Variants in RPL7 observed in about 807,000 individuals in gnomAD.
RPL7 encodes ribosomal protein L7.
For missense variants in RPL7, 205 were observed against 301.9 expected (o/e 0.68, Z 2.38); for synonymous variants, 100 against 102.2 (o/e 0.98, Z 0.13).
chr8:73,291,263 T>G lies in RPL7; in HGVS notation c.539-11A>C. 1 of 1,584,748 alleles carries G rather than the reference T, an allele frequency of 6.3e-7. No homozygotes were observed. The highest frequency in any genetic ancestry group is 8.6e-7 in the Non-Finnish European group (1 of 1,163,612). On this transcript the variant is annotated splice_polypyrimidine_tract_variant and intron_variant, in intron 5 of 6. Transcript: ENST00000352983. ...TGATGCCGTATTTACCTAAATATTT[T>G]AAGGTTATTTAAGATTATTAAAGTT...
intron 3 of RPL7, 30 bp from the exon 4 acceptor site, chr8:73,291,940 T>C: frequency 1.2e-6 from 2 of 1,601,238 alleles, no homozygotes; most frequent in Non-Finnish European, 8.6e-7. Flanking sequence ...GAAATGCATT[T>C]GCCTTTCATC....
At chr8:73,294,170 C>CCGCTCCGCGAGGTCCTTGTCGT, upstream of RPL7, 1 of 157,564 alleles carries the variant, frequency 6.3e-6, no homozygotes. Context: ...ACCCCTTTCG[C>CCGCTCCGCGAGGTCCTTGTCGT]CGCTCCGCGA....
chr8:73,292,580 G>A (rs991391991), intron 2 of RPL7, 109 bp downstream of exon 2: 9 of 1,018,700 alleles, frequency 8.8e-6, no homozygotes, highest in African/African-American at 6.4e-5. Flanking sequence ...AGGTAGCTAA[G>A]CAATTACTCA....
In RPL7 at chr8:73,290,634, C is replaced by T. The variant is rs1169933566; in HGVS notation, c.*73G>A. On this transcript the variant is annotated 3_prime_UTR_variant, in exon 7 of 7. Coordinates refer to ENST00000352983, the MANE Select transcript of RPL7 (RefSeq NM_000971.4). ...CAACAACAACAAATCACAAATACAA[C>T]AATATATTTCAATTTGAGAGCAGGT... The T allele has an allele frequency of 6.1e-6, 1 of 163,830 alleles. No individual in the cohort carries two copies. Among genetic ancestry groups the T allele is most frequent in the Non-Finnish European group, 1.3e-5 (1 of 75,514 alleles). 10.1% of individuals were successfully genotyped at this position (163,830 alleles called of 1,614,324 possible).
intron 1 of RPL7, 169 bp from the exon 2 acceptor site, chr8:73,292,966 G>A (rs1324250214): frequency 4.1e-6 from 2 of 490,118 alleles, no homozygotes; most frequent in African/African-American, 2.0e-5. Context: ...TTAGCTCCAT[G>A]TCAATAACCT....
chr8:73,292,102 TG>T, intron 3 of RPL7, 136 bp downstream of exon 3: 1 of 1,084,534 alleles, frequency 9.2e-7, no homozygotes, highest in Non-Finnish European at 1.3e-6. Flanking sequence ...AAACCATTAG[TG>T]ATCAGCACCC....
upstream of RPL7, chr8:73,294,276 A>T (rs1814194993): frequency 6.5e-6 from 1 of 152,844 alleles, no homozygotes; most frequent in African/African-American, 2.4e-5. Flanking sequence ...AAAAGTGGCT[A>T]GCCAGGGACC....
intron 2 of RPL7, 31 bp downstream of exon 2, chr8:73,292,658 T>C (rs1426097478): frequency 6.6e-7 from 1 of 1,518,816 alleles, no homozygotes; most frequent in Non-Finnish European, 9.1e-7. Context: ...GGCGCCTCCT[T>C]ATGTGCTAGT....
chr8:73,293,564 G>T (rs201337451), intron 1 of RPL7, 35 bp downstream of exon 1: 4 of 1,612,930 alleles, frequency 2.5e-6, no homozygotes, highest in Non-Finnish European at 3.4e-6. Context: ...TCTGGAGATG[G>T]AGAAGGATTC....
intron 1 of RPL7, chr8:73,293,333 A>G (rs1341099629): frequency 4.1e-6 from 2 of 491,846 alleles, no homozygotes; most frequent in Non-Finnish European, 7.4e-6. Context: ...AAGACCCTCT[A>G]CCGAGGACTG....
rs550255644 is a variant in RPL7 at position 73,292,934 on chromosome 8, G to A, written c.15-137C>T. On this transcript the variant is annotated intron_variant, in intron 1 of 6. Coordinates refer to ENST00000352983, the MANE Select transcript of RPL7 (RefSeq NM_000971.4). Reference sequence around the variant, plus strand: ...CTAGTAACTTTACTTGCTCTGGCATGCTACAGTGTACGATGCATATTTTAG... The same window carrying A: ...CTAGTAACTTTACTTGCTCTGGCATACTACAGTGTACGATGCATATTTTAG... 294 of 619,376 alleles carry A rather than the reference G, an allele frequency of 4.7e-4. 1 individual carries two copies. The highest frequency in any genetic ancestry group is 4.7e-3 in the African/African-American group (258 of 54,360). The allele number at this position is 619,376 out of a possible 1,614,324, so 38.4% of individuals were successfully genotyped here. A position where few individuals can be genotyped will look rare whatever the true frequency, so the allele number is the denominator to read the frequency against.
chr8:73,293,342 T>C (rs568379549), intron 1 of RPL7: 189 of 499,906 alleles, frequency 3.8e-4, no homozygotes, highest in Non-Finnish European at 1.7e-4. Flanking sequence ...TACCGAGGAC[T>C]GGGCCGTCAG....
chr8:73,292,508 T>C, intron 2 of RPL7, 103 bp from the exon 3 acceptor site: 1 of 1,227,546 alleles, frequency 8.1e-7, no homozygotes, highest in Non-Finnish European at 1.1e-6. Flanking sequence ...AAATCTTTTC[T>C]TGCCACAGTA....
At chr8:73,291,285 A>C (rs1173045294) in intron 5 of RPL7, 33 bp from the exon 6 acceptor site, 3 of 1,527,718 alleles carry the variant, frequency 2.0e-6, no homozygotes, top group Non-Finnish European at 2.7e-6. Flanking sequence ...AGATTATTAA[A>C]GTTGCAAAAA....
intron 5 of RPL7, 87 bp downstream of exon 5, chr8:73,291,465 T>G: frequency 9.7e-7 from 1 of 1,025,760 alleles, no homozygotes; most frequent in Non-Finnish European, 1.4e-6. Flanking sequence ...CACATGAAGA[T>G]TCACAATAGT....
intron 2 of RPL7, 97 bp from the exon 3 acceptor site, chr8:73,292,502 C>T: frequency 8.0e-7 from 1 of 1,251,366 alleles, no homozygotes; most frequent in Admixed American, 2.3e-5. Context: ...TCCTTTAAAT[C>T]TTTTCTTGCC....
At chr8:73,291,994 T>C (rs2130341292) in intron 3 of RPL7, 84 bp from the exon 4 acceptor site, 1 of 1,527,676 alleles carries the variant, frequency 6.5e-7, no homozygotes, top group Non-Finnish European at 9.0e-7. Context: ...GAATATCGAA[T>C]CCTACCTAAA....
upstream of RPL7, chr8:73,293,679 G>GC: frequency 6.3e-7 from 1 of 1,590,558 alleles, no homozygotes; most frequent in South Asian, 1.1e-5. Flanking sequence ...CGCGAGAGAA[G>GC]CCCCACGACT....
In RPL7 at chr8:73,291,258, T is replaced by C. The variant is rs1281387949; in HGVS notation, c.539-6A>G. ...GCAGATGATGCCGTATTTACCTAAA[T>C]ATTTTAAGGTTATTTAAGATTATTA... is the stretch of plus-strand genomic sequence containing the variant. On this transcript the variant is annotated splice_region_variant and splice_polypyrimidine_tract_variant and intron_variant, in intron 5 of 6. Transcript: ENST00000352983. The C allele has an allele frequency of 6.3e-7, 1 of 1,594,970 alleles. No individual in the cohort carries two copies. Among genetic ancestry groups the C allele is most frequent in the Non-Finnish European group, 8.5e-7 (1 of 1,170,102 alleles).
Sources: gnomAD v4.1 joint callset for allele counts on GRCh38, gnomAD v4.1.1 for gene constraint, MANE v1.5 for transcripts, NCBI Gene and HGNC (gene_info 2026-07-23, HGNC 2026-07-21) for gene names.